The following TMC1 variants were observed in gnomAD, a reference collection of about 807,000 sequenced individuals.
TMC1 encodes transmembrane channel like 1, also known as transmembrane channel-like protein 1.
TMC1 carries 84 observed loss-of-function variants against 105.8 expected under a neutral mutation model. The observed-to-expected ratio is 0.79, with a 90% CI of 0.67 to 0.95. The LOEUF is 0.95. Among genes scored for constraint, TMC1 ranks in the 40% least tolerant of loss-of-function variants. The pLI is 0.00. For missense variants in TMC1, 817 were observed against 914.1 expected, an observed-to-expected ratio of 0.89 and a Z score of 1.37; for synonymous variants, 315 against 311.5, an observed-to-expected ratio of 1.01 and a Z score of -0.12.
chr9:72,559,449 C>G (rs912043798), intron 1 of TMC1, among the ~76,000 whole-genome samples: 1 of 152,066 alleles, frequency 6.6e-6, no homozygotes, highest in African/African-American at 2.4e-5. Context: ...AGGCCCCCAC[C>G]GATGCCCATA....
chr9:72,817,563 T>G (rs969286009), intron 19 of TMC1, among the ~76,000 whole-genome samples: 1 of 152,170 alleles, frequency 6.6e-6, no homozygotes, highest in African/African-American at 2.4e-5. Context: ...TATCAGTGGC[T>G]TTTACACAAA....
At chr9:72,580,306 A>C (rs1428825901) in intron 2 of TMC1, among the ~76,000 whole-genome samples, 1 of 152,136 alleles carries the variant, frequency 6.6e-6, no homozygotes, top group African/African-American at 2.4e-5. Flanking sequence ...GTATTGCCTT[A>C]TTTCTTTCCC....
rs1230296047 is a variant in TMC1 at position 72,830,459 on chromosome 9, T to C, written c.2138T>C (p.Ile713Thr). The change falls in exon 22 of 24, where the codon ATC (isoleucine) becomes ACC (threonine). Residue 713 changes from isoleucine (I) to threonine (T), a missense_variant. By Grantham distance (89) the Ile-to-Thr change is moderately conservative. Coordinates refer to ENST00000297784, the MANE Select transcript of TMC1 (RefSeq NM_138691.3). ...TTTTCTTTTTAATTTAGTTTGGCCA[T>C]CTATTATCTCAATGCTACTGCCAAG... ...IAVILVMVLA[I>T]YYLNATAKGQ... The C allele has an allele frequency of 3.1e-6, 5 of 1,611,680 alleles. No homozygotes were observed. Among genetic ancestry groups the C allele is most frequent in the East Asian group, 2.2e-5 (1 of 44,872 alleles).
chr9:72,584,545 G>T (rs1435546441), intron 2 of TMC1, among the ~76,000 whole-genome samples: 1 of 151,990 alleles, frequency 6.6e-6, no homozygotes, highest in Non-Finnish European at 1.5e-5. Context: ...GAGATTACAG[G>T]CATGAGCCAC....
chr9:72,691,000 TTTCTTA>T (rs1826457736), intron 6 of TMC1, among the ~76,000 whole-genome samples: 1 of 152,136 alleles, frequency 6.6e-6, no homozygotes, highest in African/African-American at 2.4e-5. Flanking sequence ...TTCTTGACTT[TTTCTTA>T]TTCTTTTTAT....
At chr9:72,730,241 G>A (rs1017554227) in intron 8 of TMC1, among the ~76,000 whole-genome samples, 2 of 152,038 alleles carry the variant, frequency 1.3e-5, no homozygotes, top group African/African-American at 4.8e-5. Context: ...GGCCGGCTTT[G>A]GGGAAAAGGG....
rs55848138 is a variant in TMC1, at chr9:72,755,071, GGAGAGA to G, written c.741+208_741+213del. On this transcript the variant is annotated intron_variant, in intron 12 of 23. Coordinates refer to ENST00000297784, the MANE Select transcript of TMC1 (RefSeq NM_138691.3). ...GAGAGAGAGGGAGGGAGGGAGGGAG[GGAGAGA>G]GAGAGAGAGAGAGAGAGAGAAAGAA... 0.027 allele frequency among the ~76,000 whole-genome samples: 3,414 copies of G among 126,946 alleles called. 86 individuals are homozygous for G. The highest frequency in any genetic ancestry group is 0.083 in the African/African-American group (2,778 of 33,456). 83.3% of individuals were successfully genotyped at this position (126,946 alleles called of 152,430 possible).
chr9:72,601,249 T>C (rs537170517), intron 2 of TMC1, among the ~76,000 whole-genome samples: 2 of 152,062 alleles, frequency 1.3e-5, no homozygotes, highest in Non-Finnish European at 2.9e-5. Context: ...CATATCCCTA[T>C]AGTCCCAGCT....
intron 8 of TMC1, among the ~76,000 whole-genome samples, chr9:72,733,314 G>A (rs758053211): frequency 6.6e-6 from 1 of 151,986 alleles, no homozygotes; most frequent in East Asian, 1.9e-4. Context: ...CCTCCCAGGC[G>A]GTGTCATAAC....
At chr9:72,642,373 A>ACTAGGGAACAGATTATG (rs1301159223) in intron 4 of TMC1, among the ~76,000 whole-genome samples, 2 of 152,148 alleles carry the variant, frequency 1.3e-5, no homozygotes, top group Non-Finnish European at 2.9e-5. Context: ...TTTATTCATG[A>ACTAGGGAACAGATTATG]CTAGGGAACA....
At position 72,836,251 on chromosome 9, in the gene TMC1, G is replaced by A. The variant is rs145061856; in HGVS notation, c.*278G>A. 2.0e-6 allele frequency: 1 copy of A among 504,996 alleles called. No homozygotes were observed. Among genetic ancestry groups the A allele is most frequent in the Non-Finnish European group, 3.5e-6 (1 of 283,742 alleles). 31.3% of individuals were successfully genotyped at this position (504,996 alleles called of 1,614,324 possible). On this transcript the variant is annotated 3_prime_UTR_variant, in exon 24 of 24. Coordinates refer to ENST00000297784, the MANE Select transcript of TMC1 (RefSeq NM_138691.3). ...TTTTTTTTTTAACAAATTGAGTTTA[G>A]AAGTGAGTGTAATCCAGCAATACAG...
intron 4 of TMC1, among the ~76,000 whole-genome samples, chr9:72,640,397 G>T (rs2132143115): frequency 6.6e-6 from 1 of 152,228 alleles, no homozygotes; most frequent in South Asian, 2.1e-4. Flanking sequence ...CTTGATTTAG[G>T]CATCTAAGCT....
At chr9:72,553,520 A>G (rs2132073509) in intron 1 of TMC1, among the ~76,000 whole-genome samples, 1 of 152,306 alleles carries the variant, frequency 6.6e-6, no homozygotes, top group South Asian at 2.1e-4. Context: ...GAAGAACCAA[A>G]AAGGAATAAA....
intron 4 of TMC1, among the ~76,000 whole-genome samples, chr9:72,637,977 G>C (rs1588004316): frequency 6.6e-6 from 1 of 152,120 alleles, no homozygotes; most frequent in Non-Finnish European, 1.5e-5. Context: ...GAAGTTTCTT[G>C]AATTGCTGTA....
chr9:72,685,352 C>T (rs529933660), intron 5 of TMC1, among the ~76,000 whole-genome samples: 14 of 139,756 alleles, frequency 1.0e-4, no homozygotes, highest in Admixed American at 3.0e-4. Flanking sequence ...ATGATCCACC[C>T]GCCTTGGCCA....
intron 4 of TMC1, among the ~76,000 whole-genome samples, chr9:72,631,967 A>T (rs974937968): frequency 6.6e-6 from 1 of 152,264 alleles, no homozygotes; most frequent in African/African-American, 2.4e-5. Flanking sequence ...AAAGGAATAC[A>T]AAAGTAATAA....
At chr9:72,537,237 G>T (rs893526555) in intron 1 of TMC1, among the ~76,000 whole-genome samples, 28 of 152,328 alleles carry the variant, frequency 1.8e-4, no homozygotes, top group African/African-American at 6.0e-4. Context: ...CTTGTGATGG[G>T]AGGAGCAGCC....
At chr9:72,560,915 G>A (rs1437656151) in intron 1 of TMC1, among the ~76,000 whole-genome samples, 1 of 151,986 alleles carries the variant, frequency 6.6e-6, no homozygotes, top group Non-Finnish European at 1.5e-5. Context: ...TTTCTGTAGG[G>A]GTACCTATTA....
chr9:72,721,816 T>C (rs1339575779), intron 8 of TMC1, among the ~76,000 whole-genome samples: 1 of 152,240 alleles, frequency 6.6e-6, no homozygotes, highest in African/African-American at 2.4e-5. Context: ...ACTCACATTA[T>C]AGAACTCAAG....
Sources: allele counts gnomAD v4.1 joint callset (sites outside exome capture counted in the v4.1 genomes callset), GRCh38; gene constraint gnomAD v4.1.1; transcripts MANE v1.5; gene names NCBI Gene and HGNC (gene_info 2026-07-23, HGNC 2026-07-21).